WNT9A: variants seen among roughly 807,000 people sequenced by gnomAD.
WNT9A encodes the protein protein Wnt-9a.
Under a neutral mutation model 31.4 loss-of-function variants are expected in WNT9A, and 8 were observed. The observed-to-expected ratio is 0.26, with a 90% CI of 0.15 to 0.46. The LOEUF (loss-of-function observed/expected upper bound fraction) is 0.46, where lower values mean the gene tolerates loss of function less well. Among genes scored for constraint, WNT9A ranks in the 20% least tolerant of loss-of-function variants. The probability of loss-of-function intolerance (pLI) is 0.99; values close to 1 mark genes in which losing one functional copy is unlikely to be tolerated. For synonymous variants in WNT9A, 236 were observed against 220.1 expected (o/e 1.07, Z -0.64); for missense variants, 457 against 522.9 (o/e 0.87, Z 1.23).
At chr1:227,938,554 C>G (rs1666637445) in intron 1 of WNT9A, among the ~76,000 whole-genome samples, 1 of 151,988 alleles carries the variant, frequency 6.6e-6, no homozygotes, top group Non-Finnish European at 1.5e-5. Context: ...AACCCGTAAA[C>G]CGATAGAGAT....
At position 227,919,201 on chromosome 1, in the gene WNT9A, C is replaced by T. The variant is rs1295276399; in HGVS notation, c.*2317G>A. 6.6e-6 allele frequency: 1 copy of T among 152,248 alleles called. No homozygotes were observed. The highest frequency in any genetic ancestry group is 1.5e-5 in the Non-Finnish European group (1 of 68,064). 9.4% of individuals were successfully genotyped at this position (152,248 alleles called of 1,614,324 possible). ...GACCCAATAGTGACTGAGTGACAGT[C>T]TTGTCATGTCATGAGGGTGTGGCCA... On this transcript the variant is annotated 3_prime_UTR_variant, in exon 4 of 4. Coordinates refer to ENST00000272164, the MANE Select transcript of WNT9A (RefSeq NM_003395.4).
At position 227,925,206 on chromosome 1, in the gene WNT9A, A is replaced by G. The variant is rs933104180; in HGVS notation, c.352+57T>C. ...AGAGGGGCCTCTTGGGATATGGACA[A>G]GGCCTGGGCTGCCACCTGTCTGGGG... is the stretch of plus-strand genomic sequence containing the variant. On this transcript the variant is annotated intron_variant, in intron 2 of 3. Transcript: ENST00000272164. This position sits in a 1 kb window ranked among gnomAD's most constrained non-coding sequence, Gnocchi z 6.0. 17 of 1,459,948 alleles carry G rather than the reference A, an allele frequency of 1.2e-5. No homozygotes were observed. The highest frequency in any genetic ancestry group is 1.5e-5 in the Non-Finnish European group (17 of 1,104,830). 90.4% of individuals were successfully genotyped at this position (1,459,948 alleles called of 1,614,324 possible).
At position 227,921,511 on chromosome 1, in the gene WNT9A, T is replaced by C. The variant is rs1451571084; in HGVS notation, c.*7A>G. On this transcript the variant is annotated 3_prime_UTR_variant, in exon 4 of 4. Coordinates refer to ENST00000272164, the MANE Select transcript of WNT9A (RefSeq NM_003395.4). ...CCTGTGCAGCAGGGCTGGCAGGGCC[T>C]GGGAACTCAGCCCTTGCAGGTGTAG... 6.2e-7 allele frequency: 1 copy of C among 1,600,832 alleles called. No individual in the cohort carries two copies.
intron 1 of WNT9A, among the ~76,000 whole-genome samples, chr1:227,931,427 CTGTT>C (rs1451291665): frequency 1.3e-5 from 2 of 152,168 alleles, no homozygotes; most frequent in African/African-American, 4.8e-5. Context: ...ATCTTCTTAA[CTGTT>C]TGTTCTGAAG....
intron 1 of WNT9A, among the ~76,000 whole-genome samples, chr1:227,936,789 C>A (rs1394856793): frequency 6.6e-6 from 1 of 152,224 alleles, no homozygotes; most frequent in African/African-American, 2.4e-5. Flanking sequence ...CTGTGCCCAG[C>A]ATGCTGTGTG....
At chr1:227,924,778 G>C (rs1666388466) in intron 2 of WNT9A, among the ~76,000 whole-genome samples, 1 of 152,260 alleles carries the variant, frequency 6.6e-6, no homozygotes, top group Admixed American at 6.5e-5. Context: ...GCACACAGCT[G>C]CAGCCCCAGC....
rs181812819 is a variant in WNT9A, at chr1:227,942,967, G to A, written c.95+4826C>T. The stretch of plus-strand genomic sequence containing the variant: ...ACCTCAGGCCCACCCCTCCTTCTCC[G>A]GCCCTGCCAGGGACCCACAGGTGCC... On this transcript the variant is annotated intron_variant, in intron 1 of 3. Transcript: ENST00000272164. This position sits in a 1 kb window ranked among gnomAD's most constrained non-coding sequence, Gnocchi z 5.7. Among the ~76,000 whole-genome samples, 7 of 151,632 alleles carry A rather than the reference G, an allele frequency of 4.6e-5. No individual in the cohort carries two copies. Among genetic ancestry groups the A allele is most frequent in the Admixed American group, 6.6e-5 (1 of 15,242 alleles).
rs1666726281 is a variant in WNT9A, at chr1:227,942,659, C to A, written c.95+5134G>T. 6.6e-6 allele frequency among the ~76,000 whole-genome samples: 1 copy of A among 152,166 alleles called. No individual in the cohort carries two copies. Among genetic ancestry groups the A allele is most frequent in the Non-Finnish European group, 1.5e-5 (1 of 68,008 alleles). ...AACAAGGCAGCTCCCTGGCCCCTTT[C>A]CTCCCTGCCCTTCTGGCCCTCCAGA... On this transcript the variant is annotated intron_variant, in intron 1 of 3. Coordinates refer to ENST00000272164, the MANE Select transcript of WNT9A (RefSeq NM_003395.4). This position sits in a 1 kb window ranked among gnomAD's most constrained non-coding sequence, Gnocchi z 5.7.
Position 227,921,446 on chromosome 1 carries a change from T to A in WNT9A, c.*72A>T. 6.5e-7 allele frequency: 1 copy of A among 1,541,410 alleles called. No individual in the cohort carries two copies. Among genetic ancestry groups the A allele is most frequent in the Middle Eastern group, 1.8e-4 (1 of 5,706 alleles). On this transcript the variant is annotated 3_prime_UTR_variant, in exon 4 of 4. Transcript: ENST00000272164. Reference sequence around the variant, plus strand: ...TGGTCGAGCCCAGGAACTCAGCCTGTGCAGGTGTAGACCCTTCACACCGTG... The same window carrying A: ...TGGTCGAGCCCAGGAACTCAGCCTGAGCAGGTGTAGACCCTTCACACCGTG...
In WNT9A at chr1:227,926,707, G is replaced by A. The variant is rs549781982; in HGVS notation, c.96-1188C>T. ...CTGAAAGCATCACTGGACACATGAC[G>A]ACCAACCCACCCCCAGCAGAGAACG... On this transcript the variant is annotated intron_variant, in intron 1 of 3. Coordinates refer to ENST00000272164, the MANE Select transcript of WNT9A (RefSeq NM_003395.4). The surrounding 1 kb of genome is among the most constrained non-coding windows in gnomAD (Gnocchi z 5.0). 6.6e-6 allele frequency among the ~76,000 whole-genome samples: 1 copy of A among 151,770 alleles called. No homozygotes were observed. Among genetic ancestry groups the A allele is most frequent in the Admixed American group, 6.6e-5 (1 of 15,252 alleles).
At chr1:227,946,793 C>G (rs111533813) in intron 1 of WNT9A, among the ~76,000 whole-genome samples, 560 of 152,292 alleles carry the variant, frequency 3.7e-3, no homozygotes, top group Non-Finnish European at 6.8e-3. Flanking sequence ...TGCCGGCCAG[C>G]CCGCCGCGCG....
Position 227,924,281 on chromosome 1 carries a change from C to T in WNT9A, c.472G>A (p.Glu158Lys), listed in dbSNP as rs752011875. The change falls in exon 3 of 4, where the codon GAG (glutamate) becomes AAG (lysine). Residue 158 changes from glutamate to lysine, a missense_variant. Transcript: ENST00000272164. ...RCTCDEAPDL[E>K]NREAWQWGGC... is the part of the protein sequence containing the mutation. ...CCCCACTGCCAGGCCTCACGGTTCT[C>T]CAGGTCGGGTGCCTCATCGCAGGTA... is the stretch of plus-strand genomic sequence containing the variant. The T allele has an allele frequency of 6.8e-6, 11 of 1,613,880 alleles. No homozygotes were observed. The South Asian group carries it at 1.2e-4, about 18-fold the overall frequency.
At chr1:227,933,890 G>A (rs1225865623) in intron 1 of WNT9A, among the ~76,000 whole-genome samples, 4 of 152,154 alleles carry the variant, frequency 2.6e-5, no homozygotes, top group East Asian at 1.9e-4. Flanking sequence ...GCCCTGATCC[G>A]CTTTCTGTCT....
chr1:227,930,339 G>T (rs914216942), intron 1 of WNT9A, among the ~76,000 whole-genome samples: 2 of 152,304 alleles, frequency 1.3e-5, no homozygotes, highest in Admixed American at 1.3e-4. Context: ...GGCTGCACCG[G>T]ACCAAGCAAA....
intron 1 of WNT9A, among the ~76,000 whole-genome samples, chr1:227,934,820 G>A (rs1666563619): frequency 1.3e-5 from 2 of 151,442 alleles, no homozygotes; most frequent in South Asian, 4.2e-4. Flanking sequence ...CATAGATTCA[G>A]TTCACCATAC....
Position 227,919,729 on chromosome 1 carries a change from T to C in WNT9A, c.*1789A>G, listed in dbSNP as rs12040881. On this transcript the variant is annotated 3_prime_UTR_variant, in exon 4 of 4. Transcript: ENST00000272164. ...CACACACACACACACACACAGACCA[T>C]GCCAGCATGCATTTATACAACACAC... 0.53 allele frequency: 70,063 copies of C among 133,418 alleles called. 17,252 individuals are homozygous for C. Among genetic ancestry groups the C allele is most frequent in the African/African-American group, 0.68 (25,825 of 37,764 alleles). The allele number at this position is 133,418 out of a possible 1,614,324, so 8.3% of individuals were successfully genotyped here. A position where few individuals can be genotyped will look rare whatever the true frequency, so the allele number is the denominator to read the frequency against.
At position 227,925,938 on chromosome 1, in the gene WNT9A, C is replaced by T. The variant is rs1023752924; in HGVS notation, c.96-419G>A. 6.6e-6 allele frequency among the ~76,000 whole-genome samples: 1 copy of T among 152,076 alleles called. No individual in the cohort carries two copies. The highest frequency in any genetic ancestry group is 2.4e-5 in the African/African-American group (1 of 41,412). Reference sequence around the variant, plus strand: ...TGATGGGCGTCTGCCACATCCTCCACCCTCTTTGGCCCCAGCTGACCCGCA... The same window carrying T: ...TGATGGGCGTCTGCCACATCCTCCATCCTCTTTGGCCCCAGCTGACCCGCA... On this transcript the variant is annotated intron_variant, in intron 1 of 3. Coordinates refer to ENST00000272164, the MANE Select transcript of WNT9A (RefSeq NM_003395.4). This position sits in a 1 kb window ranked among gnomAD's most constrained non-coding sequence, Gnocchi z 6.0.
At chr1:227,940,658 C>T (rs1666686960) in intron 1 of WNT9A, among the ~76,000 whole-genome samples, 1 of 152,252 alleles carries the variant, frequency 6.6e-6, no homozygotes, top group African/African-American at 2.4e-5. Context: ...AGACCTCCAG[C>T]CCACTTCCCC....
At chr1:227,941,517 C>T (rs907260815) in intron 1 of WNT9A, 1 of 154,162 alleles carries the variant, frequency 6.5e-6, no homozygotes, top group South Asian at 2.0e-4. Context: ...CTGGCAAACC[C>T]CAGAGTTGAG....
Sources: allele counts gnomAD v4.1 joint callset (sites outside exome capture counted in the v4.1 genomes callset), GRCh38; gene constraint gnomAD v4.1.1; non-coding constraint Gnocchi (gnomAD v3.1); transcripts MANE v1.5; gene names NCBI Gene and HGNC (gene_info 2026-07-23, HGNC 2026-07-21).